WWP2: variants seen among roughly 807,000 people sequenced by gnomAD.
WWP2 encodes the protein NEDD4-like E3 ubiquitin-protein ligase WWP2.
WWP2 carries 57 observed loss-of-function variants against 121.0 expected under a neutral mutation model. The ratio of observed to expected loss-of-function variants is 0.47; its 90% CI spans 0.38 to 0.59. The LOEUF (loss-of-function observed/expected upper bound fraction) is 0.59. Among genes scored for constraint, WWP2 ranks in the 20% least tolerant of loss-of-function variants. WWP2 has a pLI of 0.00. For missense variants in WWP2, 962 were observed against 1,158.9 expected, an observed-to-expected ratio of 0.83 and a Z score of 2.47; for synonymous variants, 449 against 441.3, an observed-to-expected ratio of 1.02 and a Z score of -0.22.
chr16:69,846,079 A>G (rs1597044180), intron 6 of WWP2, among the ~76,000 whole-genome samples: 1 of 147,994 alleles, frequency 6.8e-6, no homozygotes, highest in Non-Finnish European at 1.5e-5. Flanking sequence ...AAGAATACTT[A>G]TCTGGTCTGG....
chr16:69,831,275 C>A (rs902874424), intron 4 of WWP2, among the ~76,000 whole-genome samples: 1 of 152,112 alleles, frequency 6.6e-6, no homozygotes, highest in Non-Finnish European at 1.5e-5. Context: ...AACTATTTTT[C>A]CTTTGACATG....
At chr16:69,879,009 T>C (rs1280207002) in intron 7 of WWP2, among the ~76,000 whole-genome samples, 1 of 152,230 alleles carries the variant, frequency 6.6e-6, no homozygotes, top group Non-Finnish European at 1.5e-5. Flanking sequence ...AATTTTTTGC[T>C]AATAGTATTA....
intron 4 of WWP2, among the ~76,000 whole-genome samples, chr16:69,820,695 C>CTGTTTATTT (rs1307208524): frequency 9.1e-6 from 1 of 110,322 alleles, no homozygotes; most frequent in Admixed American, 1.1e-4. Flanking sequence ...CCATATACTA[C>CTGTTTATTT]TGTTTATTTT....
chr16:69,818,604 A>G (rs185653375), intron 4 of WWP2, among the ~76,000 whole-genome samples: 70 of 152,226 alleles, frequency 4.6e-4, no homozygotes, highest in Middle Eastern at 3.4e-3. Flanking sequence ...GCTAAACCCA[A>G]TGGTCACTTC....
chr16:69,800,651 G>A (rs552021866), intron 4 of WWP2, among the ~76,000 whole-genome samples: 6 of 149,592 alleles, frequency 4.0e-5, no homozygotes, highest in South Asian at 2.1e-4. Context: ...TGCAACCTCC[G>A]CCTCCCAGGT....
chr16:69,925,113 T>C lies in WWP2; in HGVS notation c.1180-317T>C, dbSNP rs2058620547. On this transcript the variant is annotated intron_variant, in intron 10 of 23. Transcript: ENST00000359154. This position sits in a 1 kb window ranked among gnomAD's most constrained non-coding sequence, Gnocchi z 4.0. Reference sequence around the variant, plus strand: ...GCCTGCTTCCCGGGCCTTCCTACCATGCCAGGGCTGCTCCCTGCCTCCGCC... The same window carrying C: ...GCCTGCTTCCCGGGCCTTCCTACCACGCCAGGGCTGCTCCCTGCCTCCGCC... The C allele has an allele frequency of 3.6e-6, 4 of 1,117,868 alleles. No individual in the cohort carries two copies. The highest frequency in any genetic ancestry group is 4.4e-6 in the Non-Finnish European group (4 of 913,688). 69.2% of individuals were successfully genotyped at this position (1,117,868 alleles called of 1,614,324 possible). A position where few individuals can be genotyped will look rare whatever the true frequency, so the allele number is the denominator to read the frequency against.
chr16:69,831,698 C>G (rs531012762), intron 4 of WWP2, among the ~76,000 whole-genome samples: 1 of 152,198 alleles, frequency 6.6e-6, no homozygotes, highest in Admixed American at 6.5e-5. Flanking sequence ...AGTTATTCCC[C>G]AAACAGCTTG....
rs958316547 is a variant in WWP2 at position 69,935,397 on chromosome 16, A to C, written c.1843-456A>C. ...CCGGTAAAACCCTAGACTATTACTC[A>C]CCATTGGCCGCCAGCTCTCGCTGTC... On this transcript the variant is annotated intron_variant, in intron 17 of 23. Transcript: ENST00000359154. The surrounding 1 kb of genome is among the most constrained non-coding windows in gnomAD (Gnocchi z 5.2). 6.6e-6 allele frequency among the ~76,000 whole-genome samples: 1 copy of C among 151,972 alleles called. No individual in the cohort carries two copies. The highest frequency in any genetic ancestry group is 6.6e-5 in the Admixed American group (1 of 15,262).
At chr16:69,939,579 G>A (rs188070653) in intron 23 of WWP2, among the ~76,000 whole-genome samples, 166 bp downstream of exon 23, 24 of 152,180 alleles carry the variant, frequency 1.6e-4, no homozygotes, top group Admixed American at 4.6e-4. Flanking sequence ...CTGATCTACC[G>A]GGTTTTACAT....
chr16:69,865,258 C>G (rs916728234), intron 6 of WWP2, among the ~76,000 whole-genome samples: 2 of 152,128 alleles, frequency 1.3e-5, no homozygotes, highest in African/African-American at 4.8e-5. Context: ...CCATGTTGCC[C>G]AGGCTGGTCT....
intron 2 of WWP2, among the ~76,000 whole-genome samples, chr16:69,789,427 A>G (rs957076426): frequency 2.0e-5 from 3 of 152,098 alleles, no homozygotes; most frequent in Middle Eastern, 3.4e-3. Flanking sequence ...ATGGGGTTTC[A>G]CCATATTGGG....
intron 6 of WWP2, among the ~76,000 whole-genome samples, chr16:69,858,432 G>T (rs541341746): frequency 7.9e-5 from 12 of 152,232 alleles, no homozygotes; most frequent in African/African-American, 2.9e-4. Context: ...AAACTTCTGG[G>T]TGGGTCATGT....
intron 4 of WWP2, among the ~76,000 whole-genome samples, chr16:69,821,935 CAT>C (rs2056600812): frequency 6.6e-6 from 1 of 151,940 alleles, no homozygotes; most frequent in Non-Finnish European, 1.5e-5. Context: ...GCAGTGCCAT[CAT>C]AGCTCAGTGT....
intron 4 of WWP2, among the ~76,000 whole-genome samples, chr16:69,839,117 T>C (rs1389261073): frequency 3.3e-5 from 4 of 121,196 alleles, no homozygotes; most frequent in Non-Finnish European, 4.7e-5. Flanking sequence ...CTTATAATCA[T>C]GCAGTAGCAA....
chr16:69,796,379 C>G (rs1420673992), intron 2 of WWP2, among the ~76,000 whole-genome samples: 1 of 152,160 alleles, frequency 6.6e-6, no homozygotes, highest in Non-Finnish European at 1.5e-5. Flanking sequence ...CTTAGCCTAG[C>G]CTACCTTAAA....
intron 11 of WWP2, among the ~76,000 whole-genome samples, chr16:69,926,438 G>A (rs2058640787): frequency 6.6e-6 from 1 of 152,190 alleles, no homozygotes; most frequent in Admixed American, 6.5e-5. Context: ...CGACAACAAA[G>A]ATGGAGAGGT....
At chr16:69,797,052 C>T (rs934616879) in intron 2 of WWP2, among the ~76,000 whole-genome samples, 2 of 152,200 alleles carry the variant, frequency 1.3e-5, no homozygotes, top group African/African-American at 4.8e-5. Flanking sequence ...AGTTGTATCT[C>T]TGATTTGGGG....
chr16:69,931,454 G>T lies in WWP2; in HGVS notation c.1522-55G>T. On this transcript the variant is annotated intron_variant, in intron 14 of 23. Coordinates refer to ENST00000359154, the MANE Select transcript of WWP2 (RefSeq NM_001270454.2). ...GGAATGCCTGTTCATACAGACAGGA[G>T]AACAGATGACCACTTGAGGCTCGAT... 1.9e-6 allele frequency: 3 copies of T among 1,607,506 alleles called. No homozygotes were observed. In the South Asian group the frequency reaches 3.3e-5, roughly 18 times the overall value.
intron 4 of WWP2, among the ~76,000 whole-genome samples, chr16:69,827,403 A>C (rs946406549): frequency 2.0e-5 from 3 of 152,210 alleles, no homozygotes; most frequent in South Asian, 4.1e-4. Context: ...AAAAATAAAA[A>C]CTTAACTTTG....
Sources: allele counts gnomAD v4.1 joint callset (sites outside exome capture counted in the v4.1 genomes callset), GRCh38; gene constraint gnomAD v4.1.1; non-coding constraint Gnocchi (gnomAD v3.1); transcripts MANE v1.5; gene names NCBI Gene and HGNC (gene_info 2026-07-23, HGNC 2026-07-21).